The following CCDC85A variants were observed in gnomAD, a reference collection of about 807,000 sequenced individuals.
CCDC85A encodes the protein coiled-coil domain containing 85A, also known as coiled-coil domain-containing protein 85A.
In CCDC85A, 38 loss-of-function variants were observed where a neutral mutation model predicts 50.2. The observed-to-expected ratio is 0.76, with a 90% CI of 0.58 to 0.99. CCDC85A has a LOEUF of 0.99. Among genes scored for constraint, CCDC85A ranks in the 50% least tolerant of loss-of-function variants. CCDC85A has a pLI of 0.00. For missense variants in CCDC85A, 820 were observed against 742.0 expected (o/e 1.11, Z -1.22); for synonymous variants, 366 against 301.4 (o/e 1.21, Z -2.22).
chr2:56,212,944 C>T (rs1461167088), intron 2 of CCDC85A, among the ~76,000 whole-genome samples: 1 of 151,962 alleles, frequency 6.6e-6, no homozygotes, highest in Non-Finnish European at 1.5e-5. Flanking sequence ...TTACTCCCTC[C>T]AAAGAGGAAA....
intron 3 of CCDC85A, among the ~76,000 whole-genome samples, chr2:56,371,480 C>T (rs1676070635): frequency 6.6e-6 from 1 of 151,840 alleles, no homozygotes; most frequent in Non-Finnish European, 1.5e-5. Flanking sequence ...AATTTTGGGA[C>T]CATTTTGCGT....
At chr2:56,362,091 G>A (rs906544463) in intron 3 of CCDC85A, among the ~76,000 whole-genome samples, 3 of 152,166 alleles carry the variant, frequency 2.0e-5, no homozygotes, top group Non-Finnish European at 4.4e-5. Context: ...GGCTTCATAG[G>A]TTGGGCACTG....
intron 2 of CCDC85A, among the ~76,000 whole-genome samples, chr2:56,296,119 T>C (rs1310015407): frequency 6.6e-6 from 1 of 152,188 alleles, no homozygotes; most frequent in Admixed American, 6.6e-5. Context: ...TTTAGCACAC[T>C]GGCAGGATCT....
In CCDC85A at chr2:56,193,281, C is replaced by A. The variant is rs200834566; in HGVS notation, c.1081C>A (p.His361Asn). ...CAGAGCCAGGGGCACCAGCCCGGAG[C>A]ACCTCAAACAACATTATGGAGGGAG... ...LPRARGTSPE[H>N]LKQHYGGSPD... The change falls in exon 2 of 6, where the codon CAC becomes AAC. Residue 361 changes from histidine to asparagine, a missense_variant. Coordinates refer to ENST00000407595, the MANE Select transcript of CCDC85A (RefSeq NM_001080433.2). 7.8e-5 allele frequency: 126 copies of A among 1,613,900 alleles called. 1 individual carries two copies. In the African/African-American group the frequency reaches 1.6e-3, roughly 21 times the overall value.
intron 2 of CCDC85A, among the ~76,000 whole-genome samples, chr2:56,342,132 T>C (rs538755783): frequency 6.6e-6 from 1 of 152,158 alleles, no homozygotes; most frequent in Non-Finnish European, 1.5e-5. Flanking sequence ...AAGATGCCTA[T>C]TATTCTGAGG....
At chr2:56,239,872 C>G (rs1201150140) in intron 2 of CCDC85A, among the ~76,000 whole-genome samples, 1 of 152,014 alleles carries the variant, frequency 6.6e-6, no homozygotes, top group African/African-American at 2.4e-5. Context: ...AACTCGAGAT[C>G]TTTTTTCAAC....
At chr2:56,293,457 C>G (rs1671807539) in intron 2 of CCDC85A, among the ~76,000 whole-genome samples, 1 of 152,132 alleles carries the variant, frequency 6.6e-6, no homozygotes, top group South Asian at 2.1e-4. Context: ...GCAATTGTAA[C>G]AAAAGCAAAA....
At chr2:56,270,431 A>G (rs1670648141) in intron 2 of CCDC85A, among the ~76,000 whole-genome samples, 1 of 152,188 alleles carries the variant, frequency 6.6e-6, no homozygotes, top group Admixed American at 6.5e-5. Context: ...TAATATGCCA[A>G]AGAAAAGCTT....
chr2:56,238,241 C>G (rs1010595501), intron 2 of CCDC85A, among the ~76,000 whole-genome samples: 4 of 151,972 alleles, frequency 2.6e-5, no homozygotes, highest in African/African-American at 9.7e-5. Flanking sequence ...CATGGCAAAA[C>G]CCCGTCTCTA....
chr2:56,241,864 A>G (rs928916534), intron 2 of CCDC85A, among the ~76,000 whole-genome samples: 3 of 152,200 alleles, frequency 2.0e-5, no homozygotes, highest in African/African-American at 7.2e-5. Flanking sequence ...TTGCTGGATC[A>G]TAAGGTAGCT....
intron 2 of CCDC85A, among the ~76,000 whole-genome samples, chr2:56,228,747 A>G (rs1668651301): frequency 6.6e-6 from 1 of 151,960 alleles, no homozygotes; most frequent in Non-Finnish European, 1.5e-5. Flanking sequence ...GTTAGCCAGG[A>G]TGCTCTCAAT....
intron 2 of CCDC85A, among the ~76,000 whole-genome samples, chr2:56,315,100 AT>A (rs1672862240): frequency 1.3e-5 from 2 of 152,152 alleles, no homozygotes; most frequent in Non-Finnish European, 2.9e-5. Context: ...CACACAGAGC[AT>A]TATTTTCGCC....
chr2:56,296,290 G>T (rs888790473), intron 2 of CCDC85A, among the ~76,000 whole-genome samples: 1 of 152,122 alleles, frequency 6.6e-6, no homozygotes, highest in African/African-American at 2.4e-5. Flanking sequence ...TGGTTCAGAA[G>T]GGTTTCTTTT....
intron 2 of CCDC85A, among the ~76,000 whole-genome samples, chr2:56,195,834 C>CA (rs891051438): frequency 5.3e-5 from 8 of 151,906 alleles, no homozygotes; most frequent in Non-Finnish European, 1.0e-4. Flanking sequence ...TTTATGTGAA[C>CA]AAAAAGCATG....
At chr2:56,361,768 G>A (rs1675537377) in intron 3 of CCDC85A, among the ~76,000 whole-genome samples, 1 of 152,196 alleles carries the variant, frequency 6.6e-6, no homozygotes. Flanking sequence ...CAAGCATGTG[G>A]ATTTGGATAT....
At chr2:56,347,559 A>G (rs1175776749) in intron 3 of CCDC85A, among the ~76,000 whole-genome samples, 1 of 152,190 alleles carries the variant, frequency 6.6e-6, no homozygotes, top group Non-Finnish European at 1.5e-5. Flanking sequence ...AAATAAAACA[A>G]AAAGTGCATT....
chr2:56,305,608 A>G (rs1161665593), intron 2 of CCDC85A, among the ~76,000 whole-genome samples: 4 of 152,256 alleles, frequency 2.6e-5, no homozygotes, highest in Non-Finnish European at 5.9e-5. Flanking sequence ...TAATTTGTAT[A>G]TTTGCCTCAC....
At chr2:56,314,744 A>G (rs973435062) in intron 2 of CCDC85A, among the ~76,000 whole-genome samples, 5 of 152,158 alleles carry the variant, frequency 3.3e-5, no homozygotes, top group Non-Finnish European at 7.4e-5. Context: ...CCATGCATTT[A>G]TGAGGCTGTC....
In CCDC85A at chr2:56,372,478, G is replaced by C. The variant is rs965236564; in HGVS notation, c.1452G>C (p.Pro484=). The change falls in exon 4 of 6, where the codon CCG becomes CCC. Residue 484 remains proline, a splice_region_variant and synonymous_variant. Transcript: ENST00000407595. ...TAGGACGATGCCTGCCTACTCTCCC[G>C]GTGAGTGAAGATGAGTCAGCTGGAT... ...RGIGRCLPTL[P]GSFRLSSGAD... is the part of the protein sequence containing the mutation. 6.3e-7 allele frequency: 1 copy of C among 1,593,102 alleles called. No homozygotes were observed.
Sources: allele counts gnomAD v4.1 joint callset (sites outside exome capture counted in the v4.1 genomes callset), GRCh38; gene constraint gnomAD v4.1.1; transcripts MANE v1.5; gene names NCBI Gene and HGNC (gene_info 2026-07-23, HGNC 2026-07-21).